Variants in KLF17 observed in about 807,000 individuals in gnomAD.
The protein encoded by KLF17 is Krueppel-like factor 17.
Under a neutral mutation model 34.2 loss-of-function variants are expected in KLF17, and 31 were observed. The observed-to-expected ratio is 0.91, with a 90% CI of 0.68 to 1.22. The LOEUF is 1.22. KLF17 is among the 50% of genes most tolerant of loss of function. KLF17 has a pLI of 0.00. For missense variants in KLF17, 478 were observed against 505.2 expected, an observed-to-expected ratio of 0.95 and a Z score of 0.52; for synonymous variants, 179 against 186.7, an observed-to-expected ratio of 0.96 and a Z score of 0.34.
At chr1:44,085,520 C>T in the KLF17 span, among the ~76,000 whole-genome samples, 4,338 of 152,116 alleles carry the variant, frequency 0.029, 84 homozygotes, top group Middle Eastern at 0.054. Context: ...AAGTTGGACA[C>T]GGTGGCTCAC....
chr1:44,065,799 A>G, the KLF17 span, among the ~76,000 whole-genome samples: 2 of 152,262 alleles, frequency 1.3e-5, no homozygotes, highest in Non-Finnish European at 2.9e-5. Context: ...GAAGATATTT[A>G]TAACATATAT....
At chr1:44,104,234 C>A in the KLF17 span, 1 of 1,220,080 alleles carries the variant, frequency 8.2e-7, no homozygotes, top group Non-Finnish European at 1.2e-6. Context: ...TGATCTCATC[C>A]TCGTACTTGT....
chr1:44,096,096 C>T, the KLF17 span, among the ~76,000 whole-genome samples: 1 of 151,964 alleles, frequency 6.6e-6, no homozygotes, highest in Non-Finnish European at 1.5e-5. Context: ...CGTGTGTCAC[C>T]ATGCCCAGCT....
the KLF17 span, among the ~76,000 whole-genome samples, chr1:44,054,639 A>G: frequency 1.4e-5 from 2 of 145,722 alleles, no homozygotes; most frequent in East Asian, 4.1e-4. Context: ...CACCACCATG[A>G]CCGGCTAATT....
chr1:44,082,880 G>A, the KLF17 span, among the ~76,000 whole-genome samples: 1,180 of 151,226 alleles, frequency 7.8e-3, 13 homozygotes, highest in African/African-American at 0.027. Context: ...AGCTGACCTC[G>A]TCATTTGGTC....
chr1:44,076,362 C>A, the KLF17 span: 1 of 152,274 alleles, frequency 6.6e-6, no homozygotes, highest in East Asian at 1.9e-4. Context: ...TGCAAGGCAG[C>A]AATCAGCACA....
chr1:44,095,210 C>CTT, the KLF17 span, among the ~76,000 whole-genome samples: 3 of 119,330 alleles, frequency 2.5e-5, no homozygotes, highest in Non-Finnish European at 3.4e-5. Context: ...CTATTTATAT[C>CTT]TTTTTTTTTT....
chr1:44,100,206 C>T, the KLF17 span, among the ~76,000 whole-genome samples: 31 of 149,184 alleles, frequency 2.1e-4, no homozygotes, highest in African/African-American at 6.9e-4. Flanking sequence ...TGCAGTGAGC[C>T]GAGATCACGC....
the KLF17 span, among the ~76,000 whole-genome samples, chr1:44,102,561 CACAT>C: frequency 4.3e-3 from 240 of 55,698 alleles, 2 homozygotes; most frequent in African/African-American, 0.012. Context: ...CACACACATA[CACAT>C]ACACACACAC....
At chr1:44,104,097 C>T in the KLF17 span, 754 of 948,492 alleles carry the variant, frequency 7.9e-4, 5 homozygotes, top group African/African-American at 0.011. Context: ...TTCATACAGC[C>T]GCCTGAGGAA....
the KLF17 span, chr1:44,104,271 G>A: frequency 1.9e-5 from 24 of 1,292,828 alleles, no homozygotes; most frequent in South Asian, 2.7e-5. Flanking sequence ...CAGCCCCTGC[G>A]TGTTGCCAAG....
At chr1:44,100,277 AG>A in the KLF17 span, among the ~76,000 whole-genome samples, 81 of 143,166 alleles carry the variant, frequency 5.7e-4, 2 homozygotes, top group Non-Finnish European at 7.7e-4. Context: ...AAAAAAAGAG[AG>A]AGAGAGAAAG....
chr1:44,096,423 G>A, the KLF17 span, among the ~76,000 whole-genome samples: 168 of 148,458 alleles, frequency 1.1e-3, 2 homozygotes, highest in African/African-American at 4.0e-3. Flanking sequence ...TTTTGAGAGG[G>A]AGTCTCGCTC....
At chr1:44,077,044 CT>C in the KLF17 span, among the ~76,000 whole-genome samples, 8 of 145,850 alleles carry the variant, frequency 5.5e-5, no homozygotes, top group African/African-American at 1.0e-4. Context: ...CTTTTTCTTT[CT>C]TTTTTTTTAA....
At chr1:44,056,276 G>A in the KLF17 span, among the ~76,000 whole-genome samples, 5 of 152,192 alleles carry the variant, frequency 3.3e-5, no homozygotes, top group Admixed American at 2.6e-4. Flanking sequence ...CTGGGAAAGC[G>A]AGGATAGTGG....
chr1:44,088,433 G>C, the KLF17 span: 2 of 152,232 alleles, frequency 1.3e-5, no homozygotes, highest in African/African-American at 4.8e-5. Context: ...CTATTTAGAT[G>C]AATTCTCTGG....
At chr1:44,099,894 AAAGAAAGAAAGAAAGAAAG>A in the KLF17 span, among the ~76,000 whole-genome samples, 14 of 67,390 alleles carry the variant, frequency 2.1e-4, no homozygotes, top group African/African-American at 6.6e-4. Context: ...AGAAAGAAAG[AAAGAAAGAAAGAAAGAAAG>A]AAAGAAAAGA....
chr1:44,123,909 T>C (rs12121477), intron 1 of KLF17, among the ~76,000 whole-genome samples: 10,895 of 151,976 alleles, frequency 0.072, 505 homozygotes, highest in Non-Finnish European at 0.11. Flanking sequence ...ATACTTTGTA[T>C]GATACCTTTT....
chr1:44,131,756 G>T (rs2088111723), intron 3 of KLF17, among the ~76,000 whole-genome samples: 1 of 152,160 alleles, frequency 6.6e-6, no homozygotes, highest in African/African-American at 2.4e-5. Flanking sequence ...GTACAGTGGT[G>T]TGATCTCAGC....
Sources: gnomAD v4.1 joint callset for allele counts (sites outside exome capture counted in the v4.1 genomes callset) on GRCh38, gnomAD v4.1.1 for gene constraint, MANE v1.5 for transcripts, NCBI Gene and HGNC (gene_info 2026-07-23, HGNC 2026-07-21) for gene names.